Variants in ABI3BP observed in about 807,000 individuals in gnomAD.
The protein encoded by ABI3BP is target of Nesh-SH3.
Under a neutral mutation model 268.6 loss-of-function variants are expected in ABI3BP, and 216 were observed. The ratio of observed to expected loss-of-function variants is 0.80; its 90% CI spans 0.72 to 0.90. The LOEUF (loss-of-function observed/expected upper bound fraction) is 0.90. ABI3BP is among the 40% of genes least tolerant of loss of function. ABI3BP has a pLI of 0.00. For synonymous variants in ABI3BP, 730 were observed against 730.0 expected (o/e 1.00, Z 0.00); for missense variants, 2,090 against 2,182.4 (o/e 0.96, Z 0.84).
chr3:100,881,105 T>C (rs1836988), intron 6 of ABI3BP, among the ~76,000 whole-genome samples: 107,320 of 152,104 alleles, frequency 0.71, 38,886 homozygotes, highest in Non-Finnish European at 0.78. Flanking sequence ...GTCAATCTAA[T>C]GTCCTACTTT....
intron 1 of ABI3BP, among the ~76,000 whole-genome samples, chr3:100,967,515 A>G (rs2081845046): frequency 6.6e-6 from 1 of 152,004 alleles, no homozygotes; most frequent in East Asian, 1.9e-4. Context: ...AAAAAAAAAA[A>G]AAAAAGAAAT....
chr3:100,753,408 C>G (rs768518294), intron 65 of ABI3BP, among the ~76,000 whole-genome samples: 4 of 151,924 alleles, frequency 2.6e-5, no homozygotes, highest in Admixed American at 6.6e-5. Flanking sequence ...ACCTCAGCCT[C>G]CCAAGTAGCT....
chr3:100,840,796 G>T (rs1371432406), intron 22 of ABI3BP, 24 bp downstream of exon 22: 2 of 1,527,842 alleles, frequency 1.3e-6, no homozygotes, highest in African/African-American at 2.8e-5. Context: ...AGAAACAAAG[G>T]TCACCCACTC....
At chr3:100,839,951 C>T in intron 23 of ABI3BP, 121 bp downstream of exon 23, 2 of 749,876 alleles carry the variant, frequency 2.7e-6, no homozygotes. Flanking sequence ...AGTACAGATG[C>T]TCAGTTATAA....
At chr3:100,864,181 A>G (rs2099027067) in intron 11 of ABI3BP, 105 bp from the exon 12 acceptor site, 1 of 750,082 alleles carries the variant, frequency 1.3e-6, no homozygotes, top group South Asian at 1.5e-5. Context: ...TCTTGCACAC[A>G]GAGCAGCCAA....
chr3:100,806,701 G>A (rs1356086028), intron 50 of ABI3BP, among the ~76,000 whole-genome samples: 5 of 152,006 alleles, frequency 3.3e-5, no homozygotes, highest in Admixed American at 6.6e-5. Context: ...TGCTTCAATC[G>A]GGACATCAGA....
At chr3:100,942,159 A>G (rs1051687250) in intron 1 of ABI3BP, among the ~76,000 whole-genome samples, 1 of 152,120 alleles carries the variant, frequency 6.6e-6, no homozygotes, top group African/African-American at 2.4e-5. Context: ...TTTGAATATG[A>G]TATGTCTGAT....
At chr3:100,939,644 A>G (rs1390282560) in intron 1 of ABI3BP, among the ~76,000 whole-genome samples, 1 of 152,092 alleles carries the variant, frequency 6.6e-6, no homozygotes, top group African/African-American at 2.4e-5. Context: ...CACAAGGCAA[A>G]TGGAGGCAGG....
At chr3:100,824,753 C>G (rs1255984873) in intron 36 of ABI3BP, 105 bp downstream of exon 36, 1 of 936,264 alleles carries the variant, frequency 1.1e-6, no homozygotes, top group African/African-American at 1.7e-5. Flanking sequence ...TGCCCTCGTG[C>G]TTAGGGAGAA....
chr3:100,815,242 T>G (rs1198785617), intron 44 of ABI3BP, among the ~76,000 whole-genome samples: 1 of 152,186 alleles, frequency 6.6e-6, no homozygotes, highest in Non-Finnish European at 1.5e-5. Flanking sequence ...TTAGATTTTC[T>G]TGAGTTTATT....
chr3:100,821,159 T>G, intron 38 of ABI3BP, 46 bp from the exon 39 acceptor site: 1 of 1,488,436 alleles, frequency 6.7e-7, no homozygotes, highest in Non-Finnish European at 9.1e-7. Context: ...TTTAAATGAA[T>G]GTAAACTCAA....
intron 51 of ABI3BP, among the ~76,000 whole-genome samples, chr3:100,800,496 C>G (rs1022077542): frequency 3.3e-5 from 5 of 152,094 alleles, no homozygotes; most frequent in Admixed American, 3.3e-4. Flanking sequence ...ATATGGAGCA[C>G]GGAGTCTCAC....
chr3:100,816,972 G>A (rs2098071245), intron 42 of ABI3BP, among the ~76,000 whole-genome samples: 1 of 152,116 alleles, frequency 6.6e-6, no homozygotes, highest in Non-Finnish European at 1.5e-5. Flanking sequence ...AAAGTGAAGA[G>A]ACTCATACAT....
At chr3:100,874,650 C>A (rs2099142603) in intron 9 of ABI3BP, among the ~76,000 whole-genome samples, 191 bp downstream of exon 9, 1 of 152,082 alleles carries the variant, frequency 6.6e-6, no homozygotes, top group Admixed American at 6.6e-5. Context: ...TAAATATGTA[C>A]ATATAAAATA....
At chr3:100,860,983 A>G (rs769822085) in intron 14 of ABI3BP, among the ~76,000 whole-genome samples, 9 of 152,078 alleles carry the variant, frequency 5.9e-5, no homozygotes, top group Non-Finnish European at 1.3e-4. Context: ...GGTGATGGCT[A>G]CTGAACCCAG....
At chr3:100,867,495 G>T (rs1271574346) in intron 9 of ABI3BP, among the ~76,000 whole-genome samples, 1 of 151,608 alleles carries the variant, frequency 6.6e-6, no homozygotes, top group African/African-American at 2.4e-5. Flanking sequence ...CAAAAAATTA[G>T]CCGGGTGTGG....
At chr3:100,966,053 G>GAGGAA (rs1369972445) in intron 1 of ABI3BP, among the ~76,000 whole-genome samples, 1 of 152,130 alleles carries the variant, frequency 6.6e-6, no homozygotes, top group African/African-American at 2.4e-5. Flanking sequence ...CTCCTACTTT[G>GAGGAA]ATCCTAGGAG....
intron 41 of ABI3BP, among the ~76,000 whole-genome samples, chr3:100,818,235 C>T (rs1306314032): frequency 1.3e-5 from 2 of 152,190 alleles, no homozygotes; most frequent in Non-Finnish European, 2.9e-5. Flanking sequence ...GATAGAGATT[C>T]GTGCTTGAAA....
chr3:100,909,389 A>C (rs548656697), intron 2 of ABI3BP, among the ~76,000 whole-genome samples: 1 of 152,206 alleles, frequency 6.6e-6, no homozygotes, highest in Admixed American at 6.5e-5. Context: ...CAATGGCAAA[A>C]AAAAAAAGCC....
Sources: gnomAD v4.1 joint callset for allele counts (sites outside exome capture counted in the v4.1 genomes callset) on GRCh38, gnomAD v4.1.1 for gene constraint, MANE v1.5 for transcripts, NCBI Gene and HGNC (gene_info 2026-07-23, HGNC 2026-07-21) for gene names.